Variants in CPA6 observed in about 807,000 individuals in gnomAD.
CPA6 encodes the protein carboxypeptidase A6, also known as carboxypeptidase B.
CPA6 carries 58 observed loss-of-function variants against 63.3 expected under a neutral mutation model. That is an observed-to-expected ratio of 0.92 (90% CI 0.74 to 1.14). The LOEUF (loss-of-function observed/expected upper bound fraction) is 1.14. Ranked by LOEUF, CPA6 falls within the 50% of genes most tolerant of loss-of-function variation. The probability of loss-of-function intolerance (pLI) is 0.00; values close to 1 mark genes in which losing one functional copy is unlikely to be tolerated. For synonymous variants in CPA6, 185 were observed against 179.0 expected (o/e 1.03, Z -0.27); for missense variants, 565 against 526.6 (o/e 1.07, Z -0.71).
Position 67,519,146 on chromosome 8 carries a change from G to A in CPA6, c.193-1099C>T, listed in dbSNP as rs1812209786. On this transcript the variant is annotated intron_variant, in intron 2 of 10. Coordinates refer to ENST00000297770, the MANE Select transcript of CPA6 (RefSeq NM_020361.5). ...TTCACTACATGTTCAGTATTTTGCA[G>A]GAAAGCAGAAGCCACATCTGTTTCC... Among the ~76,000 whole-genome samples, 3 of 152,208 alleles carry A rather than the reference G, an allele frequency of 2.0e-5. No homozygotes were observed. In the South Asian group the frequency reaches 6.2e-4, roughly 32 times the overall value.
intron 8 of CPA6, among the ~76,000 whole-genome samples, chr8:67,461,703 C>G (rs1404181602): frequency 2.6e-5 from 4 of 151,852 alleles, no homozygotes; most frequent in African/African-American, 4.8e-5. Flanking sequence ...GACCCCCCCA[C>G]TTCCCTCCCG....
chr8:67,709,926 C>T (rs1817218749), intron 1 of CPA6, among the ~76,000 whole-genome samples: 1 of 151,926 alleles, frequency 6.6e-6, no homozygotes, highest in Non-Finnish European at 1.5e-5. Flanking sequence ...GCCTGGCCAA[C>T]ATGGTGAAAC....
intron 2 of CPA6, among the ~76,000 whole-genome samples, chr8:67,568,945 T>A (rs1813412965): frequency 6.6e-6 from 1 of 152,140 alleles, no homozygotes; most frequent in South Asian, 2.1e-4. Context: ...CAGAAGGGGT[T>A]TCACCATGTT....
At chr8:67,628,744 A>T (rs1815250564) in intron 1 of CPA6, among the ~76,000 whole-genome samples, 1 of 152,264 alleles carries the variant, frequency 6.6e-6, no homozygotes, top group Non-Finnish European at 1.5e-5. Flanking sequence ...TACATGAAAC[A>T]GTGTCTAACA....
intron 6 of CPA6, among the ~76,000 whole-genome samples, chr8:67,492,409 C>T (rs888330627): frequency 6.6e-6 from 1 of 151,810 alleles, no homozygotes; most frequent in Admixed American, 6.6e-5. Context: ...ATGAAAGATG[C>T]TTATTTCATA....
chr8:67,664,030 C>G (rs1246193646), intron 1 of CPA6, among the ~76,000 whole-genome samples: 1 of 152,152 alleles, frequency 6.6e-6, no homozygotes, highest in Admixed American at 6.5e-5. Flanking sequence ...AGTTGAGCAA[C>G]TAAGTCTTGG....
At chr8:67,629,084 C>T (rs1815258330) in intron 1 of CPA6, among the ~76,000 whole-genome samples, 1 of 152,004 alleles carries the variant, frequency 6.6e-6, no homozygotes, top group African/African-American at 2.4e-5. Flanking sequence ...CACTGCACTC[C>T]AGCCTGATGA....
At chr8:67,743,166 T>C (rs1010895825) in intron 1 of CPA6, among the ~76,000 whole-genome samples, 1 of 152,206 alleles carries the variant, frequency 6.6e-6, no homozygotes, top group Admixed American at 6.5e-5. Context: ...ATAAATATAA[T>C]CGAAGTCGTT....
At chr8:67,549,775 G>A (rs1812900496) in intron 2 of CPA6, among the ~76,000 whole-genome samples, 1 of 152,128 alleles carries the variant, frequency 6.6e-6, no homozygotes, top group African/African-American at 2.4e-5. Context: ...TTAGCATAAT[G>A]TCCTCAGTGT....
At chr8:67,681,096 T>C (rs1412189869) in intron 1 of CPA6, among the ~76,000 whole-genome samples, 1 of 152,014 alleles carries the variant, frequency 6.6e-6, no homozygotes, top group Non-Finnish European at 1.5e-5. Flanking sequence ...AGCAGACGTT[T>C]TTAATTTTCT....
At chr8:67,743,475 A>G (rs1334040791) in intron 1 of CPA6, among the ~76,000 whole-genome samples, 4 of 152,184 alleles carry the variant, frequency 2.6e-5, no homozygotes, top group Non-Finnish European at 5.9e-5. Flanking sequence ...GTGTTACAAC[A>G]ATTCAGTCAC....
rs777848099 is a variant in CPA6 at position 67,428,140 on chromosome 8, G to GA, written c.1042-10dup. 14 of 1,557,450 alleles carry GA rather than the reference G, an allele frequency of 9.0e-6. No homozygotes were observed. In the South Asian group the frequency reaches 1.5e-4, roughly 16 times the overall value. On this transcript the variant is annotated splice_polypyrimidine_tract_variant and intron_variant, in intron 9 of 10. Coordinates refer to ENST00000297770, the MANE Select transcript of CPA6 (RefSeq NM_020361.5). ...TTATAAGCTGCAGATTCCTATGAGGGAAAATGGGGAAATTTTATATATTGT... is the reference window on the plus strand; with the variant it reads ...TTATAAGCTGCAGATTCCTATGAGGGAAAAATGGGGAAATTTTATATATTGT...
chr8:67,530,460 A>G (rs1228271027), intron 2 of CPA6, among the ~76,000 whole-genome samples: 3 of 152,184 alleles, frequency 2.0e-5, no homozygotes, highest in African/African-American at 7.2e-5. Context: ...TAGTCCTGGG[A>G]CTTACGTTTC....
chr8:67,526,791 C>A (rs1221929540), intron 2 of CPA6, among the ~76,000 whole-genome samples: 1 of 152,118 alleles, frequency 6.6e-6, no homozygotes, highest in Non-Finnish European at 1.5e-5. Flanking sequence ...CATCAACACA[C>A]CACTACCCTT....
At chr8:67,600,526 A>C (rs1013534145) in intron 2 of CPA6, among the ~76,000 whole-genome samples, 5 of 152,244 alleles carry the variant, frequency 3.3e-5, no homozygotes, top group African/African-American at 1.2e-4. Context: ...CTCACTACAA[A>C]AAATGATAAG....
At chr8:67,665,071 T>G (rs933199364) in intron 1 of CPA6, among the ~76,000 whole-genome samples, 3 of 152,158 alleles carry the variant, frequency 2.0e-5, no homozygotes, top group Middle Eastern at 3.4e-3. Context: ...CTTACGCTTC[T>G]GGAAAAAAAA....
chr8:67,688,135 C>T (rs1409615209), intron 1 of CPA6, among the ~76,000 whole-genome samples: 1 of 152,136 alleles, frequency 6.6e-6, no homozygotes, highest in Non-Finnish European at 1.5e-5. Context: ...CTGAACTTCA[C>T]TGAACTCCAG....
At chr8:67,629,345 A>G (rs7844310) in intron 1 of CPA6, among the ~76,000 whole-genome samples, 95,292 of 151,306 alleles carry the variant, frequency 0.63, 30,797 homozygotes, top group African/African-American at 0.78. Flanking sequence ...GCTGGGCATC[A>G]TGGCACATAC....
At chr8:67,482,359 G>A (rs1162712823) in intron 8 of CPA6, among the ~76,000 whole-genome samples, 1 of 152,210 alleles carries the variant, frequency 6.6e-6, no homozygotes, top group Non-Finnish European at 1.5e-5. Context: ...AGAAGGGAAA[G>A]TGAAAAGTTT....
Sources: gnomAD v4.1 joint callset for allele counts (sites outside exome capture counted in the v4.1 genomes callset) on GRCh38, gnomAD v4.1.1 for gene constraint, MANE v1.5 for transcripts, NCBI Gene and HGNC (gene_info 2026-07-23, HGNC 2026-07-21) for gene names.